The following FAM13C variants were observed in gnomAD, a reference collection of about 807,000 sequenced individuals.
FAM13C encodes family with sequence similarity 13 member C.
Under a neutral mutation model 73.2 loss-of-function variants are expected in FAM13C, and 37 were observed. The observed-to-expected ratio is 0.51, with a 90% CI of 0.39 to 0.67. The LOEUF (loss-of-function observed/expected upper bound fraction) is 0.67. Ranked by LOEUF, FAM13C falls within the 30% of genes least tolerant of loss-of-function variation. The pLI is 0.00. For missense variants in FAM13C, 589 were observed against 715.6 expected, an observed-to-expected ratio of 0.82 and a Z score of 2.02; for synonymous variants, 246 against 260.9, an observed-to-expected ratio of 0.94 and a Z score of 0.55.
intron 3 of FAM13C, among the ~76,000 whole-genome samples, chr10:59,328,484 A>T (rs1851484744): frequency 6.6e-6 from 1 of 150,726 alleles, no homozygotes; most frequent in Non-Finnish European, 1.5e-5. Context: ...CATGGCCATC[A>T]AGAAAAACAA....
chr10:59,318,015 C>T (rs1306526749), intron 4 of FAM13C, among the ~76,000 whole-genome samples: 3 of 150,322 alleles, frequency 2.0e-5, no homozygotes, highest in Non-Finnish European at 3.0e-5. Flanking sequence ...CTCTTTATAA[C>T]GTTAAAACAA....
intron 5 of FAM13C, among the ~76,000 whole-genome samples, chr10:59,292,692 T>C (rs368850289): frequency 1.1e-4 from 16 of 152,350 alleles, no homozygotes; most frequent in African/African-American, 3.6e-4. Flanking sequence ...AATACTAATT[T>C]TTAAGTTATA....
intron 6 of FAM13C, among the ~76,000 whole-genome samples, chr10:59,277,038 T>G (rs556482481): frequency 6.6e-6 from 1 of 152,254 alleles, no homozygotes; most frequent in Non-Finnish European, 1.5e-5. Context: ...ATGTTAACAT[T>G]TTTCAGAGTG....
At chr10:59,323,896 A>G in intron 4 of FAM13C, 92 bp downstream of exon 4, 1 of 1,104,648 alleles carries the variant, frequency 9.1e-7, no homozygotes, top group Non-Finnish European at 1.4e-6. Context: ...AAAGTCAGAA[A>G]GCCTTGCCTC....
chr10:59,351,952 C>T (rs562129481), intron 3 of FAM13C, among the ~76,000 whole-genome samples: 376 of 151,970 alleles, frequency 2.5e-3, no homozygotes, highest in Middle Eastern at 0.017. Flanking sequence ...GCCGAGATGG[C>T]GCCACTGTGC....
intron 4 of FAM13C, among the ~76,000 whole-genome samples, chr10:59,314,774 C>A (rs965110888): frequency 6.6e-6 from 1 of 152,118 alleles, no homozygotes; most frequent in African/African-American, 2.4e-5. Context: ...GAATTCTGTG[C>A]TACTGGACCC....
rs756011263 is a variant in FAM13C, at chr10:59,283,381, C to T, written c.574G>A (p.Asp192Asn). The change falls in exon 6 of 14, where the codon GAT (aspartate) becomes AAT (asparagine). Residue 192 changes from aspartate (D) to asparagine (N), a missense_variant. Physicochemically the swap from Asp to Asn is conservative, Grantham distance 23. Transcript: ENST00000618804. ...APASTQSVLA[D>N]GTDSADPSPV... The stretch of plus-strand genomic sequence containing the variant: ...ATCTTACCTGCAGAATCTGTCCCAT[C>T]GGCAAGCACGCTCTGGGTTGATGCT... 9.9e-6 allele frequency: 16 copies of T among 1,614,056 alleles called. No individual in the cohort carries two copies. The highest frequency in any genetic ancestry group is 1.1e-5 in the Non-Finnish European group (13 of 1,180,028).
At chr10:59,258,023 T>C (rs1336996200) in intron 10 of FAM13C, among the ~76,000 whole-genome samples, 1 of 152,152 alleles carries the variant, frequency 6.6e-6, no homozygotes, top group Non-Finnish European at 1.5e-5. Context: ...ATGCTATCCA[T>C]TAATAAAAAA....
rs1589380288 is a variant in FAM13C at position 59,264,065 on chromosome 10, G to A, written c.1024+20C>T. The A allele has an allele frequency of 6.2e-7, 1 of 1,609,038 alleles. No homozygotes were observed. Among genetic ancestry groups the A allele is most frequent in the African/African-American group, 1.3e-5 (1 of 74,868 alleles). The stretch of plus-strand genomic sequence containing the variant: ...AACTGCTTCCTTTGTGAGGAAAAAA[G>A]ATCTTTGGCTGGGATTTACCTTTGA... On this transcript the variant is annotated intron_variant, in intron 9 of 13. Coordinates refer to ENST00000618804, the MANE Select transcript of FAM13C (RefSeq NM_198215.4).
intron 2 of FAM13C, among the ~76,000 whole-genome samples, chr10:59,354,277 G>C (rs1855428216): frequency 6.6e-6 from 1 of 152,132 alleles, no homozygotes; most frequent in African/African-American, 2.4e-5. Flanking sequence ...CAGGAAAGGG[G>C]AGAGGGGGCC....
intron 3 of FAM13C, among the ~76,000 whole-genome samples, chr10:59,329,061 C>T (rs892008343): frequency 3.3e-5 from 5 of 152,088 alleles, no homozygotes; most frequent in Admixed American, 1.3e-4. Flanking sequence ...ACATTCATGT[C>T]GTAACTAGGG....
chr10:59,263,912 C>A, intron 9 of FAM13C, 173 bp downstream of exon 9: 1 of 624,536 alleles, frequency 1.6e-6, no homozygotes, highest in Non-Finnish European at 2.9e-6. Context: ...TTACATGGGG[C>A]CAAACAATGA....
chr10:59,333,036 G>C (rs1358625822), intron 3 of FAM13C, among the ~76,000 whole-genome samples: 1 of 150,272 alleles, frequency 6.7e-6, no homozygotes, highest in Non-Finnish European at 1.5e-5. Context: ...ACAAGGTCTT[G>C]CTATGTTGCC....
intron 2 of FAM13C, 82 bp from the exon 3 acceptor site, chr10:59,352,556 C>T: frequency 7.2e-7 from 1 of 1,383,642 alleles, no homozygotes; most frequent in Non-Finnish European, 9.6e-7. Flanking sequence ...TGGAGATATT[C>T]ATTGCTGCTA....
At chr10:59,322,531 G>T (rs1850455212) in intron 4 of FAM13C, among the ~76,000 whole-genome samples, 1 of 152,106 alleles carries the variant, frequency 6.6e-6, no homozygotes, top group Non-Finnish European at 1.5e-5. Flanking sequence ...GATACACAAT[G>T]GTTTTAAGTT....
intron 8 of FAM13C, among the ~76,000 whole-genome samples, chr10:59,264,375 C>A (rs1255124181): frequency 6.6e-6 from 1 of 152,164 alleles, no homozygotes; most frequent in Non-Finnish European, 1.5e-5. Context: ...AGTAAATATT[C>A]TTGACCTCCT....
intron 1 of FAM13C, among the ~76,000 whole-genome samples, chr10:59,357,061 A>G (rs1355047954): frequency 2.6e-5 from 4 of 152,158 alleles, no homozygotes; most frequent in African/African-American, 9.7e-5. Flanking sequence ...TGAAGGCTGC[A>G]CTGTTGGCTT....
chr10:59,323,153 C>A (rs996786150), intron 4 of FAM13C: 1 of 152,232 alleles, frequency 6.6e-6, no homozygotes, highest in South Asian at 2.1e-4. Flanking sequence ...AAGCACAGCC[C>A]TCCCTTTCCA....
Position 59,303,889 on chromosome 10 carries a change from C to T in FAM13C, c.444-1025G>A, listed in dbSNP as rs111925283. On this transcript the variant is annotated intron_variant, in intron 4 of 13. Coordinates refer to ENST00000618804, the MANE Select transcript of FAM13C (RefSeq NM_198215.4). Reference sequence around the variant, plus strand: ...GTTCGGCCAGGCGCGGTGGCTCATGCCTGTAATCCCAGCACTTTGGGAGGC... The same window carrying T: ...GTTCGGCCAGGCGCGGTGGCTCATGTCTGTAATCCCAGCACTTTGGGAGGC... Among the ~76,000 whole-genome samples the T allele has an allele frequency of 6.3e-3, 962 of 152,264 alleles. 16 individuals are homozygous for T. Among genetic ancestry groups the T allele is most frequent in the Middle Eastern group, 6.8e-3 (2 of 294 alleles).
Sources: allele counts gnomAD v4.1 joint callset (sites outside exome capture counted in the v4.1 genomes callset), GRCh38; gene constraint gnomAD v4.1.1; transcripts MANE v1.5; gene names NCBI Gene and HGNC (gene_info 2026-07-23, HGNC 2026-07-21).